The following SUFU variants were observed in gnomAD, a reference collection of about 807,000 sequenced individuals.
SUFU encodes the protein SUFU negative regulator of hedgehog signaling.
A neutral mutation model predicts 58.9 loss-of-function variants in SUFU; 7 were observed. The observed-to-expected ratio is 0.12, with a 90% CI of 0.07 to 0.22. The LOEUF is 0.22. SUFU is among the 10% of genes least tolerant of loss of function. SUFU has a pLI of 1.00. For missense variants in SUFU, 451 were observed against 641.3 expected (o/e 0.70, Z 3.20); for synonymous variants, 232 against 254.8 (o/e 0.91, Z 0.85).
intron 2 of SUFU, among the ~76,000 whole-genome samples, chr10:102,538,037 T>C (rs917428912): frequency 6.6e-6 from 1 of 152,210 alleles, no homozygotes; most frequent in East Asian, 1.9e-4. Flanking sequence ...AGGGTCCTAA[T>C]TTCATGACCA....
At chr10:102,553,287 C>A (rs568874497) in intron 3 of SUFU, among the ~76,000 whole-genome samples, 2 of 152,124 alleles carry the variant, frequency 1.3e-5, no homozygotes, top group African/African-American at 4.8e-5. Context: ...AGATAGGAGA[C>A]CATGGCTATG....
intron 3 of SUFU, among the ~76,000 whole-genome samples, chr10:102,579,028 C>T (rs1156530809): frequency 6.6e-6 from 1 of 152,160 alleles, no homozygotes; most frequent in Non-Finnish European, 1.5e-5. Context: ...TGACAGGTGT[C>T]TAAACAGATG....
intron 10 of SUFU, among the ~76,000 whole-genome samples, chr10:102,624,592 C>T (rs750096022): frequency 5.3e-5 from 8 of 152,258 alleles, no homozygotes; most frequent in Non-Finnish European, 1.2e-4. Flanking sequence ...AATGGAGGAG[C>T]AGCTAGGGTT....
intron 8 of SUFU, among the ~76,000 whole-genome samples, chr10:102,605,377 C>T (rs2063553724): frequency 6.6e-6 from 1 of 152,162 alleles, no homozygotes; most frequent in Non-Finnish European, 1.5e-5. Flanking sequence ...TGTGGTGGCA[C>T]ATGCCTGTAG....
rs1223244916 is a variant in SUFU at position 102,568,893 on chromosome 10, A to T, written c.454+18787A>T. Reference sequence around the variant, plus strand: ...CTGTCTCAAAAAAAAAAAAAAAAAAAAAAAATATATATATATATATATATA... The same window carrying T: ...CTGTCTCAAAAAAAAAAAAAAAAAATAAAAATATATATATATATATATATA... On this transcript the variant is annotated intron_variant, in intron 3 of 11. Coordinates refer to ENST00000369902, the MANE Select transcript of SUFU (RefSeq NM_016169.4). Among the ~76,000 whole-genome samples the T allele has an allele frequency of 4.5e-4, 15 of 33,428 alleles. No individual in the cohort carries two copies. The South Asian group carries it at 4.8e-3, about 11-fold the overall frequency. The allele number at this position is 33,428 out of a possible 152,430, so 21.9% of individuals were successfully genotyped here.
intron 3 of SUFU, among the ~76,000 whole-genome samples, chr10:102,565,668 C>G (rs2063080789): frequency 6.6e-6 from 1 of 152,152 alleles, no homozygotes; most frequent in Non-Finnish European, 1.5e-5. Flanking sequence ...CCTTAGCCTC[C>G]CGAGTAGCTG....
At position 102,593,168 on chromosome 10, in the gene SUFU, C is replaced by T. The variant is rs139176218; in HGVS notation, c.597+444C>T. ...CCTTGATATTTACACAAAGGCCTAT[C>T]CCCTAATAAGGAAGGGAGGAGTTTC... On this transcript the variant is annotated intron_variant, in intron 4 of 11. Transcript: ENST00000369902. Among the ~76,000 whole-genome samples the T allele has an allele frequency of 4.7e-3, 717 of 152,286 alleles. 5 individuals carry two copies. Among genetic ancestry groups the T allele is most frequent in the Non-Finnish European group, 8.5e-3 (580 of 68,020 alleles).
At chr10:102,515,459 G>A (rs1028815813) in intron 2 of SUFU, among the ~76,000 whole-genome samples, 2 of 151,914 alleles carry the variant, frequency 1.3e-5, no homozygotes, top group Admixed American at 1.3e-4. Flanking sequence ...GGGACTACAG[G>A]CGCATGCCAC....
intron 8 of SUFU, among the ~76,000 whole-genome samples, chr10:102,603,309 G>A (rs904577896): frequency 6.6e-6 from 1 of 152,110 alleles, no homozygotes; most frequent in African/African-American, 2.4e-5. Context: ...CTACAGGCAT[G>A]AGCCACCACA....
intron 10 of SUFU, among the ~76,000 whole-genome samples, chr10:102,624,976 G>A (rs778307174): frequency 2.6e-5 from 4 of 152,160 alleles, no homozygotes; most frequent in Non-Finnish European, 5.9e-5. Context: ...AGCCCAGCCC[G>A]GCCCAGACTG....
upstream of SUFU, among the ~76,000 whole-genome samples, chr10:102,503,486 T>A (rs1165162573): frequency 6.6e-6 from 1 of 152,242 alleles, no homozygotes; most frequent in African/African-American, 2.4e-5. Flanking sequence ...AGAGGTTATG[T>A]GTCACTGCTT....
chr10:102,612,639 G>C (rs2063638604), intron 8 of SUFU, among the ~76,000 whole-genome samples: 4 of 152,168 alleles, frequency 2.6e-5, no homozygotes, highest in African/African-American at 9.7e-5. Context: ...TAGAGGCTGG[G>C]ATTCTCTAGC....
intron 8 of SUFU, among the ~76,000 whole-genome samples, chr10:102,606,083 G>A (rs1286931491): frequency 2.6e-5 from 4 of 152,186 alleles, no homozygotes; most frequent in African/African-American, 9.7e-5. Flanking sequence ...GACCAGGGTG[G>A]AGGGGAAGCA....
intron 2 of SUFU, among the ~76,000 whole-genome samples, chr10:102,513,587 G>A (rs1469549969): frequency 1.3e-5 from 2 of 152,234 alleles, no homozygotes; most frequent in South Asian, 2.1e-4. Flanking sequence ...GTCCATGGGT[G>A]TAAAACACGG....
chr10:102,538,935 C>T (rs1343004729), intron 2 of SUFU, among the ~76,000 whole-genome samples: 2 of 152,186 alleles, frequency 1.3e-5, no homozygotes, highest in Non-Finnish European at 2.9e-5. Context: ...AGAGACTGTG[C>T]TCTGGCACTG....
At chr10:102,596,508 G>A (rs1258999677) in intron 6 of SUFU, among the ~76,000 whole-genome samples, 1 of 152,146 alleles carries the variant, frequency 6.6e-6, no homozygotes, top group Non-Finnish European at 1.5e-5. Context: ...TGCACTCTAG[G>A]CCCCCATTTC....
Position 102,632,870 on chromosome 10 carries a change from C to G in SUFU, c.*2715C>G, listed in dbSNP as rs974836781. The G allele has an allele frequency of 4.3e-6, 1 of 233,410 alleles. No individual in the cohort carries two copies. The highest frequency in any genetic ancestry group is 2.2e-5 in the African/African-American group (1 of 45,346). 14.5% of individuals were successfully genotyped at this position (233,410 alleles called of 1,614,324 possible). ...GTGTGGGCTGCAGGAGGACTGCAGACTCAGCTGCAATTCTGAGGGGGGTTT... is the reference window on the plus strand; with the variant it reads ...GTGTGGGCTGCAGGAGGACTGCAGAGTCAGCTGCAATTCTGAGGGGGGTTT... On this transcript the variant is annotated 3_prime_UTR_variant, in exon 12 of 12. Transcript: ENST00000369902.
chr10:102,551,717 CTTTTT>C (rs771685480), intron 3 of SUFU, among the ~76,000 whole-genome samples: 2 of 68,714 alleles, frequency 2.9e-5, no homozygotes, highest in South Asian at 6.4e-4. Flanking sequence ...TATGTGCCTT[CTTTTT>C]TTTTTTTTTT....
intron 2 of SUFU, among the ~76,000 whole-genome samples, chr10:102,538,586 G>A (rs1475276849): frequency 6.6e-6 from 1 of 151,836 alleles, no homozygotes; most frequent in African/African-American, 2.4e-5. Flanking sequence ...TGAGCAGAAA[G>A]TACAGAGAGC....
Sources: allele counts gnomAD v4.1 joint callset (sites outside exome capture counted in the v4.1 genomes callset), GRCh38; gene constraint gnomAD v4.1.1; transcripts MANE v1.5; gene names NCBI Gene and HGNC (gene_info 2026-07-23, HGNC 2026-07-21).